Variants in TRPM3 observed in about 807,000 individuals in gnomAD.
TRPM3 encodes the protein transient receptor potential cation channel subfamily M member 3, also known as long transient receptor potential channel 3.
A neutral mutation model predicts 181.2 loss-of-function variants in TRPM3; 77 were observed. The observed-to-expected ratio is 0.42, with a 90% CI of 0.35 to 0.51. TRPM3 has a LOEUF of 0.51. TRPM3 is among the 20% of genes least tolerant of loss of function. The probability of loss-of-function intolerance (pLI) is 0.01; values close to 1 mark genes in which losing one functional copy is unlikely to be tolerated. For missense variants in TRPM3, 1,759 were observed against 2,196.7 expected (o/e 0.80, Z 3.98); for synonymous variants, 745 against 796.4 (o/e 0.94, Z 1.09).
intron 1 of TRPM3, among the ~76,000 whole-genome samples, chr9:71,260,829 G>A (rs1395576911): frequency 2.6e-5 from 4 of 152,236 alleles, no homozygotes; most frequent in Non-Finnish European, 5.9e-5. Flanking sequence ...TCTGCAAACA[G>A]AGATAATTTG....
At chr9:71,411,222 T>C (rs4745084) in intron 1 of TRPM3, among the ~76,000 whole-genome samples, 32,880 of 152,164 alleles carry the variant, frequency 0.22, 4,206 homozygotes, top group African/African-American at 0.34. Flanking sequence ...CCACCACTCC[T>C]ATTCAACACA....
Position 70,776,387 on chromosome 9 carries a change from G to A in TRPM3, c.1148+7718C>T, listed in dbSNP as rs554809166. 5 of 698,288 alleles carry A rather than the reference G, an allele frequency of 7.2e-6. No individual in the cohort carries two copies. The Admixed American group carries it at 1.1e-4, about 15-fold the overall frequency. 43.3% of individuals were successfully genotyped at this position (698,288 alleles called of 1,614,324 possible). On this transcript the variant is annotated intron_variant, in intron 7 of 25. Coordinates refer to ENST00000677713, the MANE Select transcript of TRPM3 (RefSeq NM_001366145.2). ...CTGGAACCCTGCCTCTCAGCTGAGA[G>A]GACCGTCATTCGCCATCAACTAGCA...
At chr9:70,545,050 C>T (rs1468105699) in intron 25 of TRPM3, among the ~76,000 whole-genome samples, 1 of 152,144 alleles carries the variant, frequency 6.6e-6, no homozygotes, top group Non-Finnish European at 1.5e-5. Context: ...GGTCTTAATA[C>T]TCCATTTTAT....
rs757809101 is a variant in TRPM3 at position 70,681,625 on chromosome 9, A to G, written c.1273-47T>C. The G allele has an allele frequency of 3.3e-6, 5 of 1,533,498 alleles. No homozygotes were observed. The South Asian group carries it at 3.4e-5, about 10-fold the overall frequency. 95.0% of individuals were successfully genotyped at this position (1,533,498 alleles called of 1,614,324 possible). On this transcript the variant is annotated intron_variant, in intron 8 of 25. Transcript: ENST00000677713. Reference sequence around the variant, plus strand: ...TCATTAGCAAAGCATTTTTCCCCCAAGAGAAATTAAATCAATGAGACCACA... The same window carrying G: ...TCATTAGCAAAGCATTTTTCCCCCAGGAGAAATTAAATCAATGAGACCACA...
At chr9:71,031,987 T>A (rs1270377731) in intron 1 of TRPM3, among the ~76,000 whole-genome samples, 2 of 238 alleles carry the variant, frequency 8.4e-3, no homozygotes, top group South Asian at 0.12. Flanking sequence ...TATATATATA[T>A]TATATATATA....
intron 1 of TRPM3, among the ~76,000 whole-genome samples, chr9:71,325,085 C>G (rs913228012): frequency 6.6e-6 from 1 of 152,074 alleles, no homozygotes; most frequent in Middle Eastern, 3.4e-3. Context: ...TGATGGGTAC[C>G]TAAAATACCC....
At chr9:71,317,398 C>G (rs2088710252) in intron 1 of TRPM3, among the ~76,000 whole-genome samples, 1 of 152,118 alleles carries the variant, frequency 6.6e-6, no homozygotes, top group Admixed American at 6.6e-5. Context: ...CTTTGGGAGG[C>G]TGAGGCTGAG....
At chr9:70,575,227 G>C (rs747889474) in intron 22 of TRPM3, among the ~76,000 whole-genome samples, 1 of 151,410 alleles carries the variant, frequency 6.6e-6, no homozygotes. Flanking sequence ...GAGCAGAGAA[G>C]CCTAGAAGGC....
chr9:70,628,752 G>A (rs1428768399), intron 12 of TRPM3, among the ~76,000 whole-genome samples: 2 of 141,786 alleles, frequency 1.4e-5, no homozygotes, highest in African/African-American at 5.1e-5. Context: ...CCGGGAGGCA[G>A]ATGTTGAAGT....
chr9:70,738,067 A>G (rs576959850), intron 8 of TRPM3, among the ~76,000 whole-genome samples: 52 of 152,318 alleles, frequency 3.4e-4, no homozygotes, highest in Admixed American at 1.9e-3. Flanking sequence ...AAGGCAGACT[A>G]TACGTTCTAT....
chr9:70,959,244 A>G (rs957573700), intron 1 of TRPM3, among the ~76,000 whole-genome samples: 15 of 152,036 alleles, frequency 9.9e-5, no homozygotes, highest in Non-Finnish European at 2.1e-4. Context: ...TCAATTTTGC[A>G]CATCCCTAAT....
At chr9:71,426,463 G>A (rs1482441160) in intron 1 of TRPM3, among the ~76,000 whole-genome samples, 2 of 151,980 alleles carry the variant, frequency 1.3e-5, no homozygotes, top group Admixed American at 6.6e-5. Flanking sequence ...GATAAGGTAG[G>A]TCACTCATAA....
intron 7 of TRPM3, among the ~76,000 whole-genome samples, chr9:70,779,785 A>G (rs1485338646): frequency 6.6e-6 from 1 of 152,182 alleles, no homozygotes; most frequent in Non-Finnish European, 1.5e-5. Context: ...TAATATTTCT[A>G]AAGCAACAAA....
chr9:70,540,200 C>G (rs2042928548), intron 25 of TRPM3, among the ~76,000 whole-genome samples: 1 of 152,230 alleles, frequency 6.6e-6, no homozygotes, highest in Non-Finnish European at 1.5e-5. Flanking sequence ...ATAGATCATG[C>G]ATTTCTGTAG....
chr9:71,303,894 C>T (rs182449150), intron 1 of TRPM3, among the ~76,000 whole-genome samples: 450 of 150,068 alleles, frequency 3.0e-3, no homozygotes, highest in African/African-American at 0.01. Context: ...CTGTGAATTA[C>T]AAAAACAAAA....
chr9:71,227,407 TCAAA>T (rs1171004895), intron 1 of TRPM3, among the ~76,000 whole-genome samples: 1 of 151,664 alleles, frequency 6.6e-6, no homozygotes, highest in East Asian at 1.9e-4. Flanking sequence ...AAGAAAAACT[TCAAA>T]CAAACAACCT....
chr9:71,116,597 C>G (rs764389873), intron 1 of TRPM3, among the ~76,000 whole-genome samples: 38 of 152,090 alleles, frequency 2.5e-4, no homozygotes, highest in Non-Finnish European at 4.9e-4. Flanking sequence ...AGCACTTGGG[C>G]AGAATTTGTG....
intron 1 of TRPM3, among the ~76,000 whole-genome samples, chr9:70,984,147 T>A (rs1232136009): frequency 6.6e-6 from 1 of 152,228 alleles, no homozygotes; most frequent in Non-Finnish European, 1.5e-5. Context: ...TTCAACAAGC[T>A]ACATAAATTT....
intron 1 of TRPM3, among the ~76,000 whole-genome samples, chr9:70,974,334 T>C (rs371253770): frequency 0.14 from 15,125 of 107,576 alleles, 97 homozygotes; most frequent in East Asian, 0.18. Context: ...GGTCAGGAGA[T>C]CGAGACCAGC....
Sources: allele counts gnomAD v4.1 joint callset (sites outside exome capture counted in the v4.1 genomes callset), GRCh38; gene constraint gnomAD v4.1.1; transcripts MANE v1.5; gene names NCBI Gene and HGNC (gene_info 2026-07-23, HGNC 2026-07-21).